Variants in DOK6 observed in about 807,000 individuals in gnomAD.
The protein encoded by DOK6 is docking protein 6, also known as downstream of tyrosine kinase 6.
In DOK6, 22 loss-of-function variants were observed where a neutral mutation model predicts 44.0. That is an observed-to-expected ratio of 0.50 (90% CI 0.36 to 0.71). The LOEUF (loss-of-function observed/expected upper bound fraction) is 0.71, where lower values mean the gene tolerates loss of function less well. Among genes scored for constraint, DOK6 ranks in the 30% least tolerant of loss-of-function variants. The pLI, the probability that DOK6 is intolerant of heterozygous loss-of-function variation, is 0.00. For missense variants in DOK6, 340 were observed against 416.4 expected (o/e 0.82, Z 1.60); for synonymous variants, 166 against 145.5 (o/e 1.14, Z -1.01).
intron 3 of DOK6, among the ~76,000 whole-genome samples, chr18:69,600,725 A>G (rs1290419380): frequency 6.6e-6 from 1 of 152,198 alleles, no homozygotes; most frequent in Non-Finnish European, 1.5e-5. Context: ...AATTTTCCCA[A>G]TTACTGTACA....
intron 7 of DOK6, among the ~76,000 whole-genome samples, chr18:69,833,971 G>C (rs1352433805): frequency 6.6e-6 from 1 of 152,150 alleles, no homozygotes; most frequent in Non-Finnish European, 1.5e-5. Context: ...AAGTAGTACA[G>C]CTATTATGGA....
chr18:69,483,357 G>T (rs1343950097), intron 1 of DOK6, among the ~76,000 whole-genome samples: 3 of 151,936 alleles, frequency 2.0e-5, no homozygotes, highest in Non-Finnish European at 4.4e-5. Flanking sequence ...GCCAAATCAG[G>T]AATGAACTCT....
At chr18:69,713,648 G>C (rs1353900162) in intron 5 of DOK6, among the ~76,000 whole-genome samples, 2 of 152,124 alleles carry the variant, frequency 1.3e-5, no homozygotes, top group Non-Finnish European at 2.9e-5. Flanking sequence ...AAGTAAAACG[G>C]CCTCTAAAAT....
At chr18:69,505,864 C>T (rs560607394) in intron 1 of DOK6, among the ~76,000 whole-genome samples, 2 of 151,406 alleles carry the variant, frequency 1.3e-5, no homozygotes, top group East Asian at 1.9e-4. Context: ...TTTCTAACAA[C>T]AAAAATTCAC....
intron 1 of DOK6, among the ~76,000 whole-genome samples, chr18:69,427,392 A>T (rs1174516995): frequency 8.5e-6 from 1 of 117,772 alleles, no homozygotes; most frequent in Non-Finnish European, 1.8e-5. Context: ...ATCACTGATC[A>T]TTAGAGATCA....
intron 1 of DOK6, among the ~76,000 whole-genome samples, chr18:69,523,291 G>T (rs982811969): frequency 2.0e-5 from 3 of 152,024 alleles, no homozygotes; most frequent in Non-Finnish European, 4.4e-5. Flanking sequence ...ATGATTTTGT[G>T]AAATGTGTAT....
chr18:69,578,946 T>C (rs1983300853), intron 2 of DOK6, among the ~76,000 whole-genome samples: 1 of 152,182 alleles, frequency 6.6e-6, no homozygotes, highest in Non-Finnish European at 1.5e-5. Flanking sequence ...TTATATAGTA[T>C]TTTAATATTT....
chr18:69,540,191 A>G lies in DOK6; in HGVS notation c.67-24296A>G, dbSNP rs542956078. 1.8e-4 allele frequency among the ~76,000 whole-genome samples: 28 copies of G among 152,342 alleles called. 1 individual carries two copies. Among genetic ancestry groups the G allele is most frequent in the Admixed American group, 1.8e-3 (27 of 15,298 alleles). ...TTCAAGATGAGATTTGGGTGGGAACACAGAACCTAACCATATCAATGTTTG... is the reference window on the plus strand; with the variant it reads ...TTCAAGATGAGATTTGGGTGGGAACGCAGAACCTAACCATATCAATGTTTG... On this transcript the variant is annotated intron_variant, in intron 1 of 7. Coordinates refer to ENST00000382713, the MANE Select transcript of DOK6 (RefSeq NM_152721.6).
At chr18:69,517,869 T>G (rs6566430) in intron 1 of DOK6, among the ~76,000 whole-genome samples, 29,907 of 152,000 alleles carry the variant, frequency 0.2, 3,160 homozygotes, top group African/African-American at 0.24. Flanking sequence ...AATTTAATCT[T>G]TGCAGGTGCT....
At chr18:69,738,479 A>G (rs1013458436) in intron 5 of DOK6, among the ~76,000 whole-genome samples, 1 of 152,184 alleles carries the variant, frequency 6.6e-6, no homozygotes, top group Non-Finnish European at 1.5e-5. Context: ...ATTAAAAAAA[A>G]TGTTTTTAAA....
chr18:69,605,077 TGTG>T lies in DOK6; in HGVS notation c.289+5580_289+5582del, dbSNP rs1191918646. On this transcript the variant is annotated intron_variant, in intron 3 of 7. Transcript: ENST00000382713. Reference sequence around the variant, plus strand: ...AGACCCCTGTTAGGAGAGATCCCTTTGTGTGTGTGTGTGTGTGTGTGTGTGTGT... The same window carrying T: ...AGACCCCTGTTAGGAGAGATCCCTTTTGTGTGTGTGTGTGTGTGTGTGTGT... 3.1e-4 allele frequency among the ~76,000 whole-genome samples: 5 copies of T among 16,056 alleles called. No homozygotes were observed. In the South Asian group the frequency reaches 0.012, roughly 39 times the overall value. The allele number at this position is 16,056 out of a possible 152,430, so 10.5% of individuals were successfully genotyped here.
intron 1 of DOK6, among the ~76,000 whole-genome samples, chr18:69,481,672 G>T (rs537745119): frequency 9.9e-5 from 15 of 152,060 alleles, no homozygotes; most frequent in African/African-American, 3.4e-4. Flanking sequence ...GAATAGTGCC[G>T]CAATAAACAT....
intron 2 of DOK6, among the ~76,000 whole-genome samples, chr18:69,588,568 C>T (rs73455869): frequency 2.1e-4 from 32 of 152,220 alleles, no homozygotes; most frequent in African/African-American, 7.7e-4. Context: ...CTCATATTCC[C>T]TTTTCTAAAC....
intron 3 of DOK6, among the ~76,000 whole-genome samples, chr18:69,600,350 C>T (rs1309249555): frequency 1.3e-5 from 2 of 152,076 alleles, no homozygotes; most frequent in African/African-American, 2.4e-5. Context: ...CACCTCTCAC[C>T]GACCTTATCT....
At chr18:69,445,878 T>C (rs1012326787) in intron 1 of DOK6, among the ~76,000 whole-genome samples, 1 of 152,114 alleles carries the variant, frequency 6.6e-6, no homozygotes, top group African/African-American at 2.4e-5. Flanking sequence ...ACAGCGAGGT[T>C]ATGTCTTTTA....
At chr18:69,823,761 C>A (rs933583348) in intron 7 of DOK6, among the ~76,000 whole-genome samples, 1 of 151,986 alleles carries the variant, frequency 6.6e-6, no homozygotes, top group African/African-American at 2.4e-5. Flanking sequence ...ACTTTTAGCT[C>A]CCCTGAGACC....
chr18:69,843,872 A>G lies in DOK6; in HGVS notation c.*2489A>G, dbSNP rs1404577255. 6.6e-6 allele frequency: 1 copy of G among 152,204 alleles called. No individual in the cohort carries two copies. Among genetic ancestry groups the G allele is most frequent in the African/African-American group, 2.4e-5 (1 of 41,446 alleles). The allele number at this position is 152,204 out of a possible 1,614,324, so 9.4% of individuals were successfully genotyped here. A position where few individuals can be genotyped will look rare whatever the true frequency, so the allele number is the denominator to read the frequency against. ...TACATTTTTGGAGCTTAATTCTAGC[A>G]TACTCCTCCAAGTACACTCACAATT... On this transcript the variant is annotated 3_prime_UTR_variant, in exon 8 of 8. Transcript: ENST00000382713.
intron 1 of DOK6, among the ~76,000 whole-genome samples, chr18:69,553,359 T>G (rs564947264): frequency 3.9e-5 from 6 of 152,364 alleles, no homozygotes; most frequent in Admixed American, 3.3e-4. Flanking sequence ...CATGGCCTTC[T>G]GTCCATGCAT....
intron 6 of DOK6, among the ~76,000 whole-genome samples, chr18:69,756,789 G>A (rs902499533): frequency 1.1e-4 from 17 of 152,192 alleles, no homozygotes; most frequent in African/African-American, 4.1e-4. Flanking sequence ...AGAAAGGCAC[G>A]CAAAGCCTAG....
Sources: allele counts gnomAD v4.1 joint callset (sites outside exome capture counted in the v4.1 genomes callset), GRCh38; gene constraint gnomAD v4.1.1; transcripts MANE v1.5; gene names NCBI Gene and HGNC (gene_info 2026-07-23, HGNC 2026-07-21).